NDUFAB1: variants seen among roughly 807,000 people sequenced by gnomAD.
The protein encoded by NDUFAB1 is acyl carrier protein, mitochondrial.
Under a neutral mutation model 16.1 loss-of-function variants are expected in NDUFAB1, and 5 were observed. The ratio of observed to expected loss-of-function variants is 0.31; its 90% CI spans 0.16 to 0.65. The LOEUF is 0.65. NDUFAB1 is among the 30% of genes least tolerant of loss of function. The pLI is 0.77. For synonymous variants in NDUFAB1, 85 were observed against 78.4 expected (o/e 1.08, Z -0.44); for missense variants, 187 against 205.3 (o/e 0.91, Z 0.54).
In NDUFAB1 at chr16:23,587,337, A is replaced by T. The variant is rs773855064; in HGVS notation, c.169-18T>A. ...CCAGGAACCTAGAGCGACGGCAGGA[A>T]GGAAACACTGTCATTGAATGGAAAA... On this transcript the variant is annotated intron_variant, in intron 1 of 4. Coordinates refer to ENST00000007516, the MANE Select transcript of NDUFAB1 (RefSeq NM_005003.3). 1 of 1,611,846 alleles carries T rather than the reference A, an allele frequency of 6.2e-7. No homozygotes were observed. The highest frequency in any genetic ancestry group is 1.3e-5 in the African/African-American group (1 of 74,810).
intron 3 of NDUFAB1, among the ~76,000 whole-genome samples, chr16:23,582,997 T>C (rs1966195449): frequency 1.3e-5 from 2 of 152,284 alleles, no homozygotes; most frequent in South Asian, 4.1e-4. Context: ...TCGTATTTTT[T>C]TGGTGGAGAC....
intron 1 of NDUFAB1, among the ~76,000 whole-genome samples, chr16:23,590,638 C>CTTTTTTTTTTTTT (rs398042088): frequency 7.6e-6 from 1 of 131,832 alleles, no homozygotes; most frequent in African/African-American, 2.9e-5. Context: ...CCTCTGGTCT[C>CTTTTTTTTTTTTT]TTTTTTTTTT....
At chr16:23,592,877 A>AT (rs1966292346) in intron 1 of NDUFAB1, among the ~76,000 whole-genome samples, 2 of 152,346 alleles carry the variant, frequency 1.3e-5, no homozygotes, top group Admixed American at 1.3e-4. Context: ...AGCATGAGCA[A>AT]TGGTCCAAAT....
chr16:23,586,387 G>A (rs1189858530), intron 2 of NDUFAB1, among the ~76,000 whole-genome samples: 2 of 151,698 alleles, frequency 1.3e-5, no homozygotes, highest in African/African-American at 4.8e-5. Context: ...AGGCTGCAGT[G>A]TGCAGTGGCA....
chr16:23,587,468 A>C (rs1056427866), intron 1 of NDUFAB1, 149 bp from the exon 2 acceptor site: 4 of 1,006,310 alleles, frequency 4.0e-6, no homozygotes, highest in Non-Finnish European at 2.8e-6. Flanking sequence ...GGACACACTA[A>C]GTTGCAGGAC....
intron 2 of NDUFAB1, among the ~76,000 whole-genome samples, chr16:23,586,960 TA>T: frequency 6.6e-6 from 1 of 152,326 alleles, no homozygotes; most frequent in Non-Finnish European, 1.5e-5. Flanking sequence ...TTGTGTTTTT[TA>T]AAAAGGGTGA....
chr16:23,583,768 G>C (rs1966206010), intron 3 of NDUFAB1, among the ~76,000 whole-genome samples: 1 of 149,336 alleles, frequency 6.7e-6, no homozygotes, highest in South Asian at 2.1e-4. Context: ...GTACCCAACA[G>C]CTCATTGAGA....
intron 1 of NDUFAB1, among the ~76,000 whole-genome samples, chr16:23,590,160 C>T (rs1008326509): frequency 1.3e-5 from 2 of 152,154 alleles, no homozygotes; most frequent in Admixed American, 1.3e-4. Context: ...TTGTCCTCAG[C>T]AGCTCCAGCA....
chr16:23,589,315 A>C (rs1966259216), intron 1 of NDUFAB1, among the ~76,000 whole-genome samples: 1 of 151,780 alleles, frequency 6.6e-6, no homozygotes, highest in Non-Finnish European at 1.5e-5. Flanking sequence ...AAAAAAAAAA[A>C]TCAGGTTTAA....
At chr16:23,584,247 TGA>T (rs748820156) in intron 3 of NDUFAB1, among the ~76,000 whole-genome samples, 6,757 of 20,344 alleles carry the variant, frequency 0.33, 607 homozygotes, top group African/African-American at 0.41. Context: ...CACCCAAGAA[TGA>T]TCAATTAAAA....
intron 1 of NDUFAB1, among the ~76,000 whole-genome samples, chr16:23,594,376 T>G (rs1053511341): frequency 4.6e-5 from 7 of 151,600 alleles, no homozygotes; most frequent in African/African-American, 1.5e-4. Flanking sequence ...GGCTGGCTTA[T>G]TTAAGACGGT....
intron 1 of NDUFAB1, among the ~76,000 whole-genome samples, chr16:23,594,696 T>C (rs1966308241): frequency 6.7e-6 from 1 of 148,492 alleles, no homozygotes. Flanking sequence ...CCATGTTGCC[T>C]AGGAGGGTCT....
chr16:23,592,721 C>T (rs1443787814), intron 1 of NDUFAB1, among the ~76,000 whole-genome samples: 1 of 152,072 alleles, frequency 6.6e-6, no homozygotes, highest in Non-Finnish European at 1.5e-5. Context: ...TCCTTACCTT[C>T]TATTTTATAT....
chr16:23,583,544 G>A (rs1469640864), intron 3 of NDUFAB1, among the ~76,000 whole-genome samples: 1 of 138,558 alleles, frequency 7.2e-6, no homozygotes, highest in Non-Finnish European at 1.6e-5. Context: ...GCCCGGCCGC[G>A]ACCCCATCTG....
intron 3 of NDUFAB1, among the ~76,000 whole-genome samples, chr16:23,582,712 C>T (rs1267617220): frequency 1.3e-5 from 2 of 148,292 alleles, no homozygotes; most frequent in Admixed American, 6.7e-5. Flanking sequence ...AGCTCCCTCT[C>T]CCTCTCCCCA....
At chr16:23,592,949 G>T (rs1966292759) in intron 1 of NDUFAB1, among the ~76,000 whole-genome samples, 1 of 152,172 alleles carries the variant, frequency 6.6e-6, no homozygotes, top group Admixed American at 6.6e-5. Context: ...AACCAGGAGT[G>T]AAGAGTCCAG....
At chr16:23,596,096 A>T in intron 1 of NDUFAB1, 27 bp downstream of exon 1, 2 of 1,598,042 alleles carry the variant, frequency 1.3e-6, no homozygotes, top group Non-Finnish European at 1.7e-6. Flanking sequence ...ACCCTTGCCA[A>T]GCGGCAGCAA....
chr16:23,582,253 C>A, intron 4 of NDUFAB1, 23 bp downstream of exon 4: 1 of 1,441,874 alleles, frequency 6.9e-7, no homozygotes, highest in South Asian at 1.5e-5. Flanking sequence ...TATGGGTGAA[C>A]ATCATTTTTT....
intron 3 of NDUFAB1, among the ~76,000 whole-genome samples, chr16:23,584,719 A>G (rs1966218832): frequency 6.6e-6 from 1 of 152,236 alleles, no homozygotes; most frequent in Non-Finnish European, 1.5e-5. Flanking sequence ...AGCACTAGGC[A>G]AAGGGATTCC....
Sources: allele counts gnomAD v4.1 joint callset (sites outside exome capture counted in the v4.1 genomes callset), GRCh38; gene constraint gnomAD v4.1.1; transcripts MANE v1.5; gene names NCBI Gene and HGNC (gene_info 2026-07-23, HGNC 2026-07-21).